Variants in CNTNAP3B observed in about 807,000 individuals in gnomAD.
CNTNAP3B encodes the protein contactin associated protein family member 3B.
In CNTNAP3B, 25 loss-of-function variants were observed where a neutral mutation model predicts 108.9. That is an observed-to-expected ratio of 0.23 (90% CI 0.17 to 0.32). The LOEUF is 0.32. CNTNAP3B is among the 10% of genes least tolerant of loss of function. The pLI is 1.00. For synonymous variants in CNTNAP3B, 103 were observed against 473.4 expected (o/e 0.22, Z 10.16); for missense variants, 252 against 1,210.4 (o/e 0.21, Z 11.75).
chr9:41,924,998 C>A (rs1256061622), intron 15 of CNTNAP3B, among the ~76,000 whole-genome samples: 1 of 151,768 alleles, frequency 6.6e-6, no homozygotes, highest in South Asian at 2.1e-4. Context: ...CTCAGTGTGT[C>A]GCAGCAGCAG....
intron 18 of CNTNAP3B, among the ~76,000 whole-genome samples, chr9:41,919,578 T>C (rs1172401429): frequency 6.6e-6 from 1 of 152,306 alleles, no homozygotes; most frequent in African/African-American, 2.4e-5. Context: ...ATGCTTGTTT[T>C]ATAAGAAAAG....
At position 42,120,582 on chromosome 9, in the gene CNTNAP3B, T is replaced by A. The variant is rs1359030764; in HGVS notation, c.85+8428A>T. The stretch of plus-strand genomic sequence containing the variant: ...GACTTGGAACCAACCCAAATGTCAA[T>A]CAATGATAGACTGGATTAAGAAAAT... On this transcript the variant is annotated intron_variant, in intron 1 of 23. Transcript: ENST00000377561. 4.6e-4 allele frequency among the ~76,000 whole-genome samples: 64 copies of A among 138,008 alleles called. 11 individuals are homozygous for A. Among genetic ancestry groups the A allele is most frequent in the Admixed American group, 4.4e-3 (61 of 13,866 alleles). 90.5% of individuals were successfully genotyped at this position (138,008 alleles called of 152,430 possible).
At chr9:42,035,700 C>T (rs1826610784) in intron 3 of CNTNAP3B, among the ~76,000 whole-genome samples, 1 of 151,120 alleles carries the variant, frequency 6.6e-6, no homozygotes, top group Non-Finnish European at 1.5e-5. Context: ...TTCTATCACC[C>T]AGGCTGGAAT....
intron 13 of CNTNAP3B, among the ~76,000 whole-genome samples, chr9:41,939,882 T>A (rs1250407405): frequency 6.6e-6 from 1 of 151,964 alleles, no homozygotes; most frequent in Non-Finnish European, 1.5e-5. Flanking sequence ...TAATGATAGA[T>A]TCTGGAAATA....
rs1403134777 is a variant in CNTNAP3B, at chr9:42,109,907, A to C, written c.86-5168T>G. Among the ~76,000 whole-genome samples the C allele has an allele frequency of 3.6e-5, 5 of 137,462 alleles. 1 individual carries two copies. The highest frequency in any genetic ancestry group is 8.7e-5 in the African/African-American group (3 of 34,390). The allele number at this position is 137,462 out of a possible 152,430, so 90.2% of individuals were successfully genotyped here. A position where few individuals can be genotyped will look rare whatever the true frequency, so the allele number is the denominator to read the frequency against. On this transcript the variant is annotated intron_variant, in intron 1 of 23. Transcript: ENST00000377561. ...GATGATGAACAGAGCCCCATACAAA[A>C]GAGAAGAGGGTGTGAAAATGGAGTG...
Position 41,979,112 on chromosome 9 carries a change from G to A in CNTNAP3B, c.1477+7056C>T, listed in dbSNP as rs1298774886. Among the ~76,000 whole-genome samples the A allele has an allele frequency of 1.8e-4, 24 of 134,834 alleles. 3 individuals carry two copies. Among genetic ancestry groups the A allele is most frequent in the Non-Finnish European group, 2.0e-4 (13 of 63,690 alleles). 88.5% of individuals were successfully genotyped at this position (134,834 alleles called of 152,430 possible). ...GTCTAGGCCTCTGTCTTCCTGAGGC[G>A]TTGTTCCTGCATGTTGTCCCAGCGT... is the stretch of plus-strand genomic sequence containing the variant. On this transcript the variant is annotated intron_variant, in intron 9 of 23. Transcript: ENST00000377561.
chr9:42,030,639 A>T (rs1826497362), intron 3 of CNTNAP3B, among the ~76,000 whole-genome samples: 1 of 61,412 alleles, frequency 1.6e-5, no homozygotes, highest in Non-Finnish European at 3.1e-5. Context: ...AAAGATCCTC[A>T]CCAGCCCAGT....
chr9:42,078,958 G>T (rs1209338552), intron 2 of CNTNAP3B, among the ~76,000 whole-genome samples: 1 of 150,968 alleles, frequency 6.6e-6, no homozygotes, highest in East Asian at 1.9e-4. Context: ...GAGAACTCTA[G>T]GTCAGGCAAA....
chr9:41,952,333 G>A (rs1397220921), intron 13 of CNTNAP3B, among the ~76,000 whole-genome samples: 1 of 152,226 alleles, frequency 6.6e-6, no homozygotes, highest in Non-Finnish European at 1.5e-5. Flanking sequence ...AGGCAGTGAA[G>A]CAATCACAGC....
intron 11 of CNTNAP3B, among the ~76,000 whole-genome samples, chr9:41,961,998 G>A (rs1400400012): frequency 7.3e-3 from 1,112 of 151,924 alleles, no homozygotes; most frequent in Non-Finnish European, 0.012. Flanking sequence ...CTTAAATATA[G>A]GGCACAGACT....
chr9:41,931,462 AG>A (rs1823975235), intron 14 of CNTNAP3B, among the ~76,000 whole-genome samples: 2 of 152,294 alleles, frequency 1.3e-5, no homozygotes, highest in Non-Finnish European at 2.9e-5. Context: ...CTTTTATAAA[AG>A]ACTAGGTATC....
At chr9:41,945,708 A>T (rs555012619) in intron 13 of CNTNAP3B, among the ~76,000 whole-genome samples, 109 of 152,344 alleles carry the variant, frequency 7.2e-4, no homozygotes, top group African/African-American at 1.8e-3. Flanking sequence ...ACATATGGAT[A>T]CATATGTAAC....
At chr9:42,078,467 G>A (rs1272704447) in intron 2 of CNTNAP3B, among the ~76,000 whole-genome samples, 1 of 138,714 alleles carries the variant, frequency 7.2e-6, no homozygotes, top group Admixed American at 7.2e-5. Context: ...TATATAGTAT[G>A]TACACAGACA....
chr9:41,946,498 A>G (rs1279443715), intron 13 of CNTNAP3B, among the ~76,000 whole-genome samples: 3 of 43,484 alleles, frequency 6.9e-5, no homozygotes, highest in African/African-American at 2.5e-4. Context: ...ACATTTCTAA[A>G]TAATAAAACA....
chr9:42,001,166 C>A (rs1268157020), intron 4 of CNTNAP3B, among the ~76,000 whole-genome samples: 1 of 81,100 alleles, frequency 1.2e-5, no homozygotes, highest in Non-Finnish European at 2.4e-5. Context: ...GTTCTCCCAG[C>A]TGGTCAGGTG....
intron 13 of CNTNAP3B, among the ~76,000 whole-genome samples, chr9:41,941,216 A>G (rs1218813722): frequency 6.6e-6 from 1 of 150,994 alleles, no homozygotes; most frequent in East Asian, 1.9e-4. Context: ...AATTATAAAA[A>G]TTACCTTAAA....
chr9:41,919,057 G>T (rs1406962986), intron 18 of CNTNAP3B, among the ~76,000 whole-genome samples: 1 of 152,254 alleles, frequency 6.6e-6, no homozygotes, highest in Non-Finnish European at 1.5e-5. Flanking sequence ...TATTGTAAGA[G>T]GTTTCATAAA....
At chr9:42,080,630 C>T (rs1239459395) in intron 2 of CNTNAP3B, among the ~76,000 whole-genome samples, 1 of 118,300 alleles carries the variant, frequency 8.5e-6, no homozygotes, top group Non-Finnish European at 1.7e-5. Context: ...TGGTAATTGT[C>T]CAGTCACTCA....
intron 15 of CNTNAP3B, among the ~76,000 whole-genome samples, chr9:41,925,137 G>A (rs1256791618): frequency 2.6e-5 from 4 of 151,160 alleles, no homozygotes; most frequent in Non-Finnish European, 1.5e-5. Context: ...ACACTTTAAG[G>A]TTACAGAAAC....
Sources: allele counts gnomAD v4.1 joint callset (sites outside exome capture counted in the v4.1 genomes callset), GRCh38; gene constraint gnomAD v4.1.1; transcripts MANE v1.5; gene names NCBI Gene and HGNC (gene_info 2026-07-23, HGNC 2026-07-21).